SBF2: variants seen among roughly 807,000 people sequenced by gnomAD.
SBF2 encodes the protein SET binding factor 2.
In SBF2, 112 loss-of-function variants were observed where a neutral mutation model predicts 225.2. The observed-to-expected ratio is 0.50, with a 90% CI of 0.43 to 0.58. The LOEUF (loss-of-function observed/expected upper bound fraction) is 0.58. SBF2 is among the 20% of genes least tolerant of loss of function. The pLI, the probability that SBF2 is intolerant of heterozygous loss-of-function variation, is 0.00. For missense variants in SBF2, 1,996 were observed against 2,206.2 expected (o/e 0.90, Z 1.91); for synonymous variants, 763 against 773.3 (o/e 0.99, Z 0.22).
chr11:9,839,261 G>A, intron 26 of SBF2: 1 of 523,392 alleles, frequency 1.9e-6, no homozygotes, highest in Non-Finnish European at 3.4e-6. Context: ...AGAAAGACAA[G>A]AGAAATTCAT....
chr11:9,853,396 C>A, intron 20 of SBF2, 144 bp downstream of exon 20: 1 of 735,268 alleles, frequency 1.4e-6, no homozygotes, highest in Admixed American at 2.4e-5. Flanking sequence ...TATTTTACAA[C>A]AATTTAAAAA....
intron 1 of SBF2, among the ~76,000 whole-genome samples, chr11:10,281,124 C>T (rs1266650493): frequency 6.6e-6 from 1 of 151,916 alleles, no homozygotes; most frequent in East Asian, 1.9e-4. Context: ...AAGATTATAG[C>T]CTTTCATGTC....
At chr11:9,949,740 A>G (rs1176867564) in intron 16 of SBF2, among the ~76,000 whole-genome samples, 2 of 152,052 alleles carry the variant, frequency 1.3e-5, no homozygotes, top group African/African-American at 4.8e-5. Flanking sequence ...TATTGTATCT[A>G]TCTGATTTTG....
chr11:10,071,722 C>T (rs772322531), intron 2 of SBF2, among the ~76,000 whole-genome samples: 2 of 152,106 alleles, frequency 1.3e-5, no homozygotes, highest in Non-Finnish European at 2.9e-5. Context: ...TTGAATTTTG[C>T]TGAAGGCCTT....
chr11:10,089,330 G>A (rs940036634), intron 2 of SBF2, among the ~76,000 whole-genome samples: 1 of 152,166 alleles, frequency 6.6e-6, no homozygotes, highest in Non-Finnish European at 1.5e-5. Flanking sequence ...TCATTGACTG[G>A]AAAATCATTA....
At chr11:9,901,084 G>GT (rs1861685749) in intron 16 of SBF2, among the ~76,000 whole-genome samples, 1 of 152,080 alleles carries the variant, frequency 6.6e-6, no homozygotes, top group South Asian at 2.1e-4. Context: ...ACTTATGGTT[G>GT]TTTTCATAAT....
chr11:10,263,681 A>G (rs1389888223), intron 1 of SBF2, among the ~76,000 whole-genome samples: 1 of 152,206 alleles, frequency 6.6e-6, no homozygotes, highest in African/African-American at 2.4e-5. Context: ...CTTTGGCTAC[A>G]TTAGAGAATA....
intron 2 of SBF2, among the ~76,000 whole-genome samples, chr11:10,051,392 T>C (rs1314799732): frequency 1.3e-5 from 2 of 152,102 alleles, no homozygotes; most frequent in Non-Finnish European, 2.9e-5. Flanking sequence ...TAAGAATAAT[T>C]CTGTGATTAA....
At chr11:10,187,557 C>T (rs1458008757) in intron 2 of SBF2, among the ~76,000 whole-genome samples, 1 of 151,974 alleles carries the variant, frequency 6.6e-6, no homozygotes, top group Non-Finnish European at 1.5e-5. Context: ...AAGAAGAATG[C>T]TTTGTGCCTC....
At chr11:10,074,171 C>T (rs1382988646) in intron 2 of SBF2, among the ~76,000 whole-genome samples, 3 of 152,090 alleles carry the variant, frequency 2.0e-5, no homozygotes, top group African/African-American at 7.2e-5. Context: ...CCAGAGTTAA[C>T]GATTGCTGTA....
chr11:10,127,197 G>T (rs1318186269), intron 2 of SBF2, among the ~76,000 whole-genome samples: 1 of 152,072 alleles, frequency 6.6e-6, no homozygotes, highest in African/African-American at 2.4e-5. Context: ...CATTTTATGT[G>T]TATGCATATT....
chr11:10,079,121 T>C (rs1951253743), intron 2 of SBF2, among the ~76,000 whole-genome samples: 1 of 152,004 alleles, frequency 6.6e-6, no homozygotes, highest in Admixed American at 6.6e-5. Context: ...CATATGCAAA[T>C]GTATCAGTGC....
At chr11:9,927,942 T>C (rs1487314714) in intron 16 of SBF2, among the ~76,000 whole-genome samples, 1 of 152,176 alleles carries the variant, frequency 6.6e-6, no homozygotes, top group Non-Finnish European at 1.5e-5. Context: ...CCATACCTTA[T>C]ACCAAATTAA....
chr11:10,158,386 A>C (rs73415015), intron 2 of SBF2, among the ~76,000 whole-genome samples: 12,865 of 152,142 alleles, frequency 0.085, 772 homozygotes, highest in East Asian at 0.28. Flanking sequence ...AAAATCAACA[A>C]AACTAAGAGG....
intron 13 of SBF2, among the ~76,000 whole-genome samples, chr11:9,972,477 T>TTTTG (rs988524641): frequency 1.3e-5 from 2 of 152,124 alleles, no homozygotes; most frequent in African/African-American, 2.4e-5. Context: ...CCAATATGTT[T>TTTTG]TTTGTTTGTT....
intron 28 of SBF2, among the ~76,000 whole-genome samples, chr11:9,825,589 T>C (rs1855016614): frequency 6.6e-6 from 1 of 152,138 alleles, no homozygotes; most frequent in Admixed American, 6.5e-5. Flanking sequence ...GAAAAGAAAG[T>C]ATCCAAAAAA....
At chr11:10,085,492 A>C (rs889374283) in intron 2 of SBF2, among the ~76,000 whole-genome samples, 1 of 152,016 alleles carries the variant, frequency 6.6e-6, no homozygotes, top group Non-Finnish European at 1.5e-5. Flanking sequence ...TCAAGTTTCT[A>C]ATTGGATTCT....
chr11:9,957,382 T>C (rs1222385316), intron 16 of SBF2: 1 of 152,238 alleles, frequency 6.6e-6, no homozygotes, highest in Admixed American at 6.5e-5. Flanking sequence ...GCTTTGAATT[T>C]GGTATCCCGT....
rs572814664 is a variant in SBF2 at position 9,950,773 on chromosome 11, C to A, written c.1860+11184G>T. ...GATTAGATTATAGCCAAGAAAGGGGCAAAAGCTACTGGCCTGTGAAGGGAC... is the reference window on the plus strand; with the variant it reads ...GATTAGATTATAGCCAAGAAAGGGGAAAAAGCTACTGGCCTGTGAAGGGAC... On this transcript the variant is annotated intron_variant, in intron 16 of 39. Coordinates refer to ENST00000256190, the MANE Select transcript of SBF2 (RefSeq NM_030962.4). Among the ~76,000 whole-genome samples, 107 of 152,260 alleles carry A rather than the reference C, an allele frequency of 7.0e-4. 1 individual carries two copies. In the South Asian group the frequency reaches 0.021, roughly 30 times the overall value.
Sources: gnomAD v4.1 joint callset for allele counts (sites outside exome capture counted in the v4.1 genomes callset) on GRCh38, gnomAD v4.1.1 for gene constraint, MANE v1.5 for transcripts, NCBI Gene and HGNC (gene_info 2026-07-23, HGNC 2026-07-21) for gene names.